The following FLVCR2 variants were observed in gnomAD, a reference collection of about 807,000 sequenced individuals.
FLVCR2 encodes FLVCR choline and putative heme transporter 2.
FLVCR2 carries 38 observed loss-of-function variants against 48.9 expected under a neutral mutation model. The observed-to-expected ratio is 0.78, with a 90% CI of 0.60 to 1.02. The LOEUF (loss-of-function observed/expected upper bound fraction) is 1.02. Among genes scored for constraint, FLVCR2 ranks in the 50% least tolerant of loss-of-function variants. The pLI, the probability that FLVCR2 is intolerant of heterozygous loss-of-function variation, is 0.00. For synonymous variants in FLVCR2, 255 were observed against 257.0 expected, an observed-to-expected ratio of 0.99 and a Z score of 0.07; for missense variants, 664 against 663.3, an observed-to-expected ratio of 1.00 and a Z score of -0.01.
Position 75,579,641 on chromosome 14 carries a change from G to A in FLVCR2, c.669G>A (p.Gln223=), listed in dbSNP as rs780846933. 1.2e-5 allele frequency: 19 copies of A among 1,614,062 alleles called. No individual in the cohort carries two copies. The highest frequency in any genetic ancestry group is 1.6e-5 in the Non-Finnish European group (19 of 1,180,022). ...TACSVAVFGN[Q]LGIAIGFLVP... The stretch of plus-strand genomic sequence containing the variant: ...GCTCCGTGGCTGTCTTTGGCAATCA[G>A]GTAGGTAGAACAGTTTGTGAATGTT... The change falls in exon 1 of 10, where the codon CAG becomes CAA. Residue 223 remains glutamine, a splice_region_variant and synonymous_variant. Transcript: ENST00000238667.
chr14:75,637,464 C>T (rs139750931), intron 5 of FLVCR2, among the ~76,000 whole-genome samples: 384 of 152,230 alleles, frequency 2.5e-3, no homozygotes, highest in African/African-American at 8.8e-3. Flanking sequence ...CGGTGGCTCA[C>T]GCCTGTAATC....
chr14:75,605,448 T>G, intron 1 of FLVCR2: 1 of 1,484,694 alleles, frequency 6.7e-7, no homozygotes, highest in Non-Finnish European at 8.9e-7. Context: ...TAAGCTCTGG[T>G]GGCCCAGCCA....
chr14:75,605,352 C>A, intron 1 of FLVCR2: 1 of 978,506 alleles, frequency 1.0e-6, no homozygotes, highest in Non-Finnish European at 1.4e-6. Context: ...CCAAGTTAAC[C>A]CAGTGGAATA....
At chr14:75,579,734 A>G in intron 1 of FLVCR2, 93 bp downstream of exon 1, 1 of 1,396,734 alleles carries the variant, frequency 7.2e-7, no homozygotes, top group Non-Finnish European at 1.0e-6. Context: ...TGATTGTCCA[A>G]CAGTGTTTGT....
chr14:75,593,728 T>G (rs1394660321), intron 1 of FLVCR2, among the ~76,000 whole-genome samples: 1 of 152,252 alleles, frequency 6.6e-6, no homozygotes, highest in African/African-American at 2.4e-5. Flanking sequence ...GGCCCCAGCC[T>G]GCTTAGACAA....
chr14:75,645,867 G>A lies in FLVCR2; in HGVS notation c.1510-534G>A, dbSNP rs148957219. Among the ~76,000 whole-genome samples the A allele has an allele frequency of 5.2e-3, 762 of 145,514 alleles. 5 individuals are homozygous for A. The highest frequency in any genetic ancestry group is 0.018 in the African/African-American group (719 of 39,216). On this transcript the variant is annotated intron_variant, in intron 9 of 9. Coordinates refer to ENST00000238667, the MANE Select transcript of FLVCR2 (RefSeq NM_017791.3). ...TGGGAGGCGGAGTTTGCAGTGAGCC[G>A]AGATCGCGCCATTGCACTCCAGCCT...
chr14:75,596,947 T>A (rs918407373), intron 1 of FLVCR2, among the ~76,000 whole-genome samples: 4 of 152,188 alleles, frequency 2.6e-5, no homozygotes, highest in Non-Finnish European at 4.4e-5. Context: ...TTTCATTTTT[T>A]AAAAATGTAT....
intron 1 of FLVCR2, among the ~76,000 whole-genome samples, chr14:75,587,565 G>A (rs896704720): frequency 1.3e-5 from 2 of 152,180 alleles, no homozygotes; most frequent in African/African-American, 4.8e-5. Context: ...CTGGGATGAG[G>A]GAGGGAAGAT....
rs1478726439 is a variant in FLVCR2 at position 75,615,799 on chromosome 14, C to T, written c.670-6280C>T. Reference sequence around the variant, plus strand: ...TTTTGGGAGGCCGAGGCGGGCGGATCACAAGGTCAGGAGATTGAGACCATC... The same window carrying T: ...TTTTGGGAGGCCGAGGCGGGCGGATTACAAGGTCAGGAGATTGAGACCATC... On this transcript the variant is annotated intron_variant, in intron 1 of 9. Transcript: ENST00000238667. 2.0e-5 allele frequency among the ~76,000 whole-genome samples: 3 copies of T among 149,796 alleles called. No homozygotes were observed. The Admixed American group carries it at 2.0e-4, about 10-fold the overall frequency.
At chr14:75,588,089 A>AT (rs953153190) in intron 1 of FLVCR2, among the ~76,000 whole-genome samples, 11 of 152,100 alleles carry the variant, frequency 7.2e-5, no homozygotes, top group African/African-American at 1.2e-4. Context: ...AAAGATGTAA[A>AT]TTTTTTTTAA....
At chr14:75,591,867 G>A (rs1231965148) in intron 1 of FLVCR2, among the ~76,000 whole-genome samples, 1 of 143,300 alleles carries the variant, frequency 7.0e-6, no homozygotes, top group African/African-American at 2.6e-5. Context: ...AGGCTGGAGT[G>A]CAGTGGTGTG....
chr14:75,594,940 A>G (rs1045755019), intron 1 of FLVCR2, among the ~76,000 whole-genome samples: 3 of 152,016 alleles, frequency 2.0e-5, no homozygotes, highest in Admixed American at 2.0e-4. Flanking sequence ...CTGGTCTTGA[A>G]CTTCTGGGCT....
chr14:75,624,889 C>A (rs945210686), intron 3 of FLVCR2, 137 bp downstream of exon 3: 4 of 1,018,250 alleles, frequency 3.9e-6, no homozygotes, highest in Middle Eastern at 2.5e-4. Flanking sequence ...CCAGAGGACC[C>A]AGCTATGCCC....
Position 75,624,668 on chromosome 14 carries a change from T to G in FLVCR2, c.868T>G (p.Leu290Val). The G allele has an allele frequency of 6.2e-7, 1 of 1,614,140 alleles. No individual in the cohort carries two copies. The highest frequency in any genetic ancestry group is 2.2e-5 in the East Asian group (1 of 44,864). ...CAGGGCCCAATCCCTGAGCTATGCC[T>G]TGACCTCTCCTGATGCCTCATACTT... ...PSRAQSLSYA[L>V]TSPDASYLGS... Residue 290 changes from leucine to valine, a missense_variant, in exon 3 of 10, where the codon TTG (leucine) becomes GTG (valine). Transcript: ENST00000238667.
chr14:75,632,939 CT>C, intron 3 of FLVCR2: 1 of 702,372 alleles, frequency 1.4e-6, no homozygotes, highest in South Asian at 1.5e-5. Context: ...GCCAGGAGGC[CT>C]TTTCTCCTTT....
rs773767095 is a variant in FLVCR2, at chr14:75,634,981, A to C, written c.1092A>C (p.Ser364=). 3 of 1,613,730 alleles carry C rather than the reference A, an allele frequency of 1.9e-6. No individual in the cohort carries two copies. In the East Asian group the frequency reaches 6.7e-5, roughly 36 times the overall value. ...VIAGMLGAVI[S]GIWLDRSKTY... ...CAGGAATGCTTGGGGCTGTGATCTC[A>C]GGAATCTGGCTGGATAGGTCCAAAA... Residue 364 remains serine, a synonymous_variant, in exon 5 of 10, where the codon TCA becomes TCC. Transcript: ENST00000238667.
chr14:75,586,515 T>C (rs1203070619), intron 1 of FLVCR2, among the ~76,000 whole-genome samples: 1 of 152,250 alleles, frequency 6.6e-6, no homozygotes, highest in Non-Finnish European at 1.5e-5. Context: ...GTTCTTCTCA[T>C]TGGACTATTT....
chr14:75,585,949 G>A (rs550057734), intron 1 of FLVCR2, among the ~76,000 whole-genome samples: 2 of 152,338 alleles, frequency 1.3e-5, no homozygotes, highest in East Asian at 1.9e-4. Flanking sequence ...TTGGTGAGAT[G>A]TTCCTTGGGC....
At chr14:75,594,240 G>C (rs1888962212) in intron 1 of FLVCR2, among the ~76,000 whole-genome samples, 1 of 150,224 alleles carries the variant, frequency 6.7e-6, no homozygotes, top group Non-Finnish European at 1.5e-5. Flanking sequence ...TTCTGATTAG[G>C]ACCACCTAAG....
Sources: allele counts gnomAD v4.1 joint callset (sites outside exome capture counted in the v4.1 genomes callset), GRCh38; gene constraint gnomAD v4.1.1; transcripts MANE v1.5; gene names NCBI Gene and HGNC (gene_info 2026-07-23, HGNC 2026-07-21).